FAM13A: variants seen among roughly 807,000 people sequenced by gnomAD.
FAM13A encodes the protein protein FAM13A.
FAM13A carries 76 observed loss-of-function variants against 129.6 expected under a neutral mutation model. That is an observed-to-expected ratio of 0.59 (90% confidence interval 0.49 to 0.71). The LOEUF is 0.71. Among genes scored for constraint, FAM13A ranks in the 30% least tolerant of loss-of-function variants. The pLI, the probability that FAM13A is intolerant of heterozygous loss-of-function variation, is 0.00. For synonymous variants in FAM13A, 443 were observed against 449.9 expected, an observed-to-expected ratio of 0.98 and a Z score of 0.20; for missense variants, 1,108 against 1,249.3, an observed-to-expected ratio of 0.89 and a Z score of 1.70.
At chr4:88,909,364 C>G (rs1044006956) in intron 5 of FAM13A, among the ~76,000 whole-genome samples, 3 of 152,102 alleles carry the variant, frequency 2.0e-5, no homozygotes, top group African/African-American at 7.2e-5. Context: ...TTGTGTGATT[C>G]CACTTATATG....
At chr4:88,771,760 T>C (rs2278875) in intron 11 of FAM13A, among the ~76,000 whole-genome samples, 86,434 of 151,962 alleles carry the variant, frequency 0.57, 26,981 homozygotes, top group Non-Finnish European at 0.72. Flanking sequence ...GCCTAGTTTA[T>C]AATCCATAAA....
chr4:89,051,934 T>C (rs1048774098), intron 1 of FAM13A, among the ~76,000 whole-genome samples: 4 of 152,178 alleles, frequency 2.6e-5, no homozygotes, highest in Non-Finnish European at 4.4e-5. Context: ...CCCCTAAGTC[T>C]CTAGGTGCTC....
chr4:88,838,163 C>T (rs1735148876), intron 7 of FAM13A, among the ~76,000 whole-genome samples: 2 of 146,396 alleles, frequency 1.4e-5, no homozygotes, highest in South Asian at 4.5e-4. Context: ...CCATGAATTT[C>T]GGTACCCAAG....
At chr4:88,744,463 A>G (rs1740879567) in intron 19 of FAM13A, among the ~76,000 whole-genome samples, 1 of 152,228 alleles carries the variant, frequency 6.6e-6, no homozygotes, top group Admixed American at 6.5e-5. Context: ...CTGAGAAAGC[A>G]AACAGCTTTG....
rs73842242 is a variant in FAM13A, at chr4:88,812,452, C to G, written c.1008-7400G>C. Among the ~76,000 whole-genome samples, 92 of 152,270 alleles carry G rather than the reference C, an allele frequency of 6.0e-4. 1 individual carries two copies. The highest frequency in any genetic ancestry group is 2.1e-3 in the African/African-American group (88 of 41,548). On this transcript the variant is annotated intron_variant, in intron 7 of 23. Transcript: ENST00000264344. ...CCTAAATCTGGCACATGAAGTCCCT[C>G]CCAATTGCAACCCAACATATCTCTA...
At chr4:88,855,706 C>T (rs1315882893) in intron 6 of FAM13A, 3 of 96,874 alleles carry the variant, frequency 3.1e-5, no homozygotes, top group African/African-American at 9.0e-5. Context: ...GAACCCATCA[C>T]CAAAAAAAAA....
At chr4:88,863,882 C>T (rs754711841) in intron 6 of FAM13A, among the ~76,000 whole-genome samples, 1 of 151,956 alleles carries the variant, frequency 6.6e-6, no homozygotes, top group Non-Finnish European at 1.5e-5. Flanking sequence ...GGGTAAGTTT[C>T]CACTTAAAGG....
At chr4:89,037,440 A>G (rs1248549045) in intron 1 of FAM13A, among the ~76,000 whole-genome samples, 1 of 152,102 alleles carries the variant, frequency 6.6e-6, no homozygotes, top group Non-Finnish European at 1.5e-5. Context: ...CCTGTACCCC[A>G]TTTTATCTTG....
At chr4:88,747,540 T>A in intron 18 of FAM13A, 91 bp downstream of exon 18, 4 of 1,056,574 alleles carry the variant, frequency 3.8e-6, no homozygotes, top group Non-Finnish European at 5.8e-6. Flanking sequence ...CAAGGCATCA[T>A]CTTCCCACTG....
intron 8 of FAM13A, among the ~76,000 whole-genome samples, chr4:88,802,239 C>T (rs2149729751): frequency 6.6e-6 from 1 of 151,700 alleles, no homozygotes; most frequent in East Asian, 1.9e-4. Context: ...TTTTCCTTTT[C>T]ATTTCCCTAA....
At chr4:89,049,387 C>G (rs924779129) in intron 1 of FAM13A, among the ~76,000 whole-genome samples, 5 of 152,078 alleles carry the variant, frequency 3.3e-5, no homozygotes, top group Non-Finnish European at 5.9e-5. Flanking sequence ...GTCAAATGTG[C>G]TGAAAACTAG....
intron 6 of FAM13A, among the ~76,000 whole-genome samples, chr4:88,898,228 C>T (rs1357139770): frequency 1.3e-5 from 2 of 152,086 alleles, no homozygotes; most frequent in Non-Finnish European, 2.9e-5. Flanking sequence ...GATACATATA[C>T]AGTTAATAAG....
chr4:88,800,522 TAAAA>T (rs902201808), intron 8 of FAM13A, among the ~76,000 whole-genome samples: 7 of 151,736 alleles, frequency 4.6e-5, no homozygotes, highest in African/African-American at 1.5e-4. Flanking sequence ...CTGTCTCTAC[TAAAA>T]ATATAAAAAT....
At chr4:88,993,720 G>A (rs977503426) in intron 3 of FAM13A, among the ~76,000 whole-genome samples, 2 of 152,152 alleles carry the variant, frequency 1.3e-5, no homozygotes, top group Non-Finnish European at 2.9e-5. Context: ...ATTTATGGCG[G>A]CTGGGCGCGG....
At chr4:88,806,411 A>G (rs17747350) in intron 7 of FAM13A, among the ~76,000 whole-genome samples, 8,983 of 152,216 alleles carry the variant, frequency 0.059, 287 homozygotes, top group Non-Finnish European at 0.068. Flanking sequence ...TCATGAAAAG[A>G]GAAAAGTCTG....
intron 4 of FAM13A, among the ~76,000 whole-genome samples, chr4:88,985,845 G>T (rs908255719): frequency 1.4e-5 from 1 of 73,850 alleles, no homozygotes; most frequent in South Asian, 4.2e-4. Context: ...GCACAAAAAA[G>T]AATAAAAAAA....
At chr4:89,012,499 T>C (rs935169029) in intron 3 of FAM13A, among the ~76,000 whole-genome samples, 2 of 152,234 alleles carry the variant, frequency 1.3e-5, no homozygotes, top group Non-Finnish European at 2.9e-5. Flanking sequence ...AAGAAGTCTT[T>C]GATAAAAATC....
intron 4 of FAM13A, among the ~76,000 whole-genome samples, chr4:88,939,957 C>T (rs1754486540): frequency 6.6e-6 from 1 of 152,130 alleles, no homozygotes; most frequent in African/African-American, 2.4e-5. Context: ...AAAAACGCAA[C>T]CCAGTTAATA....
chr4:89,038,890 T>G (rs968145711), intron 1 of FAM13A, among the ~76,000 whole-genome samples: 1 of 152,190 alleles, frequency 6.6e-6, no homozygotes, highest in African/African-American at 2.4e-5. Context: ...AAAGATTACC[T>G]CACAGATTAT....
Sources: allele counts gnomAD v4.1 joint callset (sites outside exome capture counted in the v4.1 genomes callset), GRCh38; gene constraint gnomAD v4.1.1; transcripts MANE v1.5; gene names NCBI Gene and HGNC (gene_info 2026-07-23, HGNC 2026-07-21).